The following DNA2 variants were observed in gnomAD, a reference collection of about 807,000 sequenced individuals.
The protein encoded by DNA2 is DNA replication ATP-dependent helicase/nuclease DNA2.
In DNA2, 101 loss-of-function variants were observed where a neutral mutation model predicts 119.1. The ratio of observed to expected loss-of-function variants is 0.85; its 90% CI spans 0.72 to 1.00. DNA2 has a LOEUF of 1.00. DNA2 is among the 50% of genes least tolerant of loss of function. The pLI, the probability that DNA2 is intolerant of heterozygous loss-of-function variation, is 0.00. For missense variants in DNA2, 1,121 were observed against 1,255.5 expected (o/e 0.89, Z 1.62); for synonymous variants, 366 against 424.4 (o/e 0.86, Z 1.69).
chr10:68,414,928 G>T lies in DNA2; in HGVS notation c.*111C>A. 1 of 649,098 alleles carries T rather than the reference G, an allele frequency of 1.5e-6. No individual in the cohort carries two copies. Among genetic ancestry groups the T allele is most frequent in the South Asian group, 3.1e-5 (1 of 32,476 alleles). The allele number at this position is 649,098 out of a possible 1,614,324, so 40.2% of individuals were successfully genotyped here. A position where few individuals can be genotyped will look rare whatever the true frequency, so the allele number is the denominator to read the frequency against. On this transcript the variant is annotated 3_prime_UTR_variant, in exon 21 of 21. Coordinates refer to ENST00000358410, the MANE Select transcript of DNA2 (RefSeq NM_001080449.3). ...TTTTCACAGTTTTCGGTACACCTGT[G>T]CTTTAAAACATAAATACTGCATTAA...
intron 13 of DNA2, 36 bp from the exon 14 acceptor site, chr10:68,430,696 T>TTAC: frequency 1.5e-6 from 2 of 1,365,948 alleles, no homozygotes; most frequent in South Asian, 2.8e-5. Context: ...AAAAACAGCC[T>TTAC]TACTTTTAAT....
At chr10:68,469,656 G>A (rs1190255454) in intron 2 of DNA2, among the ~76,000 whole-genome samples, 1 of 151,818 alleles carries the variant, frequency 6.6e-6, no homozygotes, top group Non-Finnish European at 1.5e-5. Flanking sequence ...GTAGAGACTG[G>A]GTTTCTCCAT....
intron 17 of DNA2, among the ~76,000 whole-genome samples, 191 bp downstream of exon 17, chr10:68,422,034 T>C (rs1395239922): frequency 1.3e-5 from 2 of 152,080 alleles, no homozygotes; most frequent in Non-Finnish European, 2.9e-5. Flanking sequence ...AAGCTGGTCT[T>C]GAATTCCTGA....
intron 5 of DNA2, among the ~76,000 whole-genome samples, chr10:68,451,837 T>C (rs2052122668): frequency 6.6e-6 from 1 of 151,886 alleles, no homozygotes; most frequent in Admixed American, 6.6e-5. Context: ...GTGATCCACC[T>C]GCTTTGGCCT....
intron 17 of DNA2, among the ~76,000 whole-genome samples, chr10:68,421,825 T>C (rs12777223): frequency 0.079 from 11,914 of 151,596 alleles, 753 homozygotes; most frequent in African/African-American, 0.18. Context: ...CCTTTTTTTT[T>C]CCCCCCAAGA....
intron 10 of DNA2, among the ~76,000 whole-genome samples, chr10:68,434,478 C>A (rs891791292): frequency 2.0e-5 from 3 of 151,878 alleles, no homozygotes; most frequent in Non-Finnish European, 2.9e-5. Context: ...TGAGACCCCC[C>A]CCATCTCTAC....
chr10:68,437,812 G>A (rs2051911469), intron 9 of DNA2, among the ~76,000 whole-genome samples: 2 of 151,996 alleles, frequency 1.3e-5, no homozygotes, highest in African/African-American at 2.4e-5. Context: ...CCCTGTTCAA[G>A]CGATTCTCAT....
At chr10:68,437,955 A>C (rs2051914162) in intron 9 of DNA2, among the ~76,000 whole-genome samples, 1 of 152,052 alleles carries the variant, frequency 6.6e-6, no homozygotes. Flanking sequence ...CAAGTGACCC[A>C]CTGGCCTCAG....
At position 68,443,050 on chromosome 10, in the gene DNA2, C is replaced by A. The variant is rs1309100091; in HGVS notation, c.1282G>T (p.Glu428Ter). The change falls in exon 9 of 21, where the codon GAA (glutamate) becomes TAA (stop). Residue 428 changes from glutamate to a stop codon, truncating the protein, a stop_gained. Transcript: ENST00000358410. LOFTEE classifies it high-confidence loss of function. The stretch of plus-strand genomic sequence containing the variant: ...GTTTGCTTCAGATGCTGGGTTTCTT[C>A]TTCTATTTTGGGCAGCATCACAATT... The part of the protein sequence containing the change: ...VPIVMLPKIE[E>*]ETQHLKQTHL... 2 of 1,595,256 alleles carry A rather than the reference C, an allele frequency of 1.3e-6. No homozygotes were observed. Among genetic ancestry groups the A allele is most frequent in the African/African-American group, 1.3e-5 (1 of 74,846 alleles).
intron 14 of DNA2, among the ~76,000 whole-genome samples, chr10:68,429,961 C>A (rs1365046298): frequency 6.8e-6 from 1 of 146,938 alleles, no homozygotes; most frequent in South Asian, 2.2e-4. Context: ...CTGCTCACTG[C>A]AACCTCCGCC....
rs769361592 is a variant in DNA2 at position 68,432,330 on chromosome 10, A to T, written c.1764-15T>A. 3 of 1,574,876 alleles carry T rather than the reference A, an allele frequency of 1.9e-6. No individual in the cohort carries two copies. The South Asian group carries it at 3.5e-5, about 18-fold the overall frequency. The stretch of plus-strand genomic sequence containing the variant: ...GAAGTTTTTTGCTGAAAAGTGAAAA[A>T]GCACTTTTAGTAATATTCCTTAGAA... On this transcript the variant is annotated splice_polypyrimidine_tract_variant and intron_variant, in intron 11 of 20. Coordinates refer to ENST00000358410, the MANE Select transcript of DNA2 (RefSeq NM_001080449.3).
intron 9 of DNA2, among the ~76,000 whole-genome samples, chr10:68,437,913 T>C (rs2051913541): frequency 6.6e-6 from 1 of 152,052 alleles, no homozygotes; most frequent in African/African-American, 2.4e-5. Flanking sequence ...GGTTTCACCA[T>C]GTTGGCCAGG....
In DNA2 at chr10:68,445,017, C is replaced by G. The variant is rs758659575; in HGVS notation, c.1124G>C (p.Arg375Thr). The G allele has an allele frequency of 1.9e-6, 3 of 1,613,078 alleles. No homozygotes were observed. Among genetic ancestry groups the G allele is most frequent in the Non-Finnish European group, 2.5e-6 (3 of 1,179,346 alleles). Reference sequence around the variant, plus strand: ...CAAAGAAGCAAGCTGTGTCTTCTGTCTAGTAGCAGATTTGCTAATACGGTG... The same window carrying G: ...CAAAGAAGCAAGCTGTGTCTTCTGTGTAGTAGCAGATTTGCTAATACGGTG... ...LFHRISKSATRQKTQLASLPQ... is the reference protein window; with the variant it reads ...LFHRISKSATTQKTQLASLPQ... Residue 375 changes from arginine to threonine, a missense_variant, in exon 8 of 21, where the codon AGA becomes ACA. Physicochemically the swap from Arg to Thr is moderately conservative, Grantham distance 71. Coordinates refer to ENST00000358410, the MANE Select transcript of DNA2 (RefSeq NM_001080449.3).
chr10:68,440,275 A>G (rs1284930516), intron 9 of DNA2, among the ~76,000 whole-genome samples: 1 of 152,146 alleles, frequency 6.6e-6, no homozygotes, highest in Non-Finnish European at 1.5e-5. Context: ...CCTGGGTAAC[A>G]GAGTAAGACT....
At chr10:68,419,431 T>G (rs972451660) in intron 18 of DNA2, 1 of 533,512 alleles carries the variant, frequency 1.9e-6, no homozygotes, top group Non-Finnish European at 3.3e-6. Context: ...ATTTTTAGTT[T>G]CATGAGAACG....
intron 5 of DNA2, among the ~76,000 whole-genome samples, chr10:68,453,533 T>C (rs1425395452): frequency 1.3e-5 from 2 of 152,220 alleles, no homozygotes; most frequent in Non-Finnish European, 2.9e-5. Context: ...CAGTCATCCA[T>C]TGTATAACAA....
At chr10:68,426,657 G>A (rs1255015627) in intron 14 of DNA2, among the ~76,000 whole-genome samples, 3 of 151,156 alleles carry the variant, frequency 2.0e-5, no homozygotes, top group Admixed American at 2.0e-4. Flanking sequence ...AAGAGACGGT[G>A]AAACCCCGTC....
chr10:68,467,608 TA>T (rs1299676440), intron 3 of DNA2, among the ~76,000 whole-genome samples: 5 of 152,116 alleles, frequency 3.3e-5, no homozygotes, highest in Non-Finnish European at 7.3e-5. Flanking sequence ...TAGACTGCAG[TA>T]GCATGATCTC....
intron 14 of DNA2, chr10:68,425,088 CTTTTT>C (rs60065153): frequency 8.3e-3 from 1,077 of 130,516 alleles, no homozygotes; most frequent in South Asian, 0.015. Flanking sequence ...TGGAACATTT[CTTTTT>C]TTTTTTTTTT....
Sources: gnomAD v4.1 joint callset for allele counts (sites outside exome capture counted in the v4.1 genomes callset) on GRCh38, gnomAD v4.1.1 for gene constraint, MANE v1.5 for transcripts, NCBI Gene and HGNC (gene_info 2026-07-23, HGNC 2026-07-21) for gene names.